The following PLAA variants were observed in gnomAD, a reference collection of about 807,000 sequenced individuals.
The protein encoded by PLAA is phospholipase A-2-activating protein.
In PLAA, 48 loss-of-function variants were observed where a neutral mutation model predicts 84.1. The ratio of observed to expected loss-of-function variants is 0.57; its 90% CI spans 0.45 to 0.73. PLAA has a LOEUF of 0.73. Ranked by LOEUF, PLAA falls within the 30% of genes least tolerant of loss-of-function variation. The pLI, the probability that PLAA is intolerant of heterozygous loss-of-function variation, is 0.00. For missense variants in PLAA, 903 were observed against 954.7 expected, an observed-to-expected ratio of 0.95 and a Z score of 0.71; for synonymous variants, 392 against 336.6, an observed-to-expected ratio of 1.16 and a Z score of -1.80.
chr9:26,928,130 T>C lies in PLAA; in HGVS notation c.535A>G (p.Lys179Glu). ...GSADKTVKLW[K>E]AGRCERTFSG... ...AAAGTCCTCTCACATCTTCCAGCCT[T>C]CCACAGTTTAACAGTCTTGTCTGCT... The change falls in exon 4 of 14, where the codon AAG (lysine) becomes GAG (glutamate). Residue 179 changes from lysine (K) to glutamate (E), a missense_variant. Lys to Glu is a moderately conservative substitution (Grantham distance 56). Transcript: ENST00000397292. 1 of 1,614,198 alleles carries C rather than the reference T, an allele frequency of 6.2e-7. No homozygotes were observed. The highest frequency in any genetic ancestry group is 8.5e-7 in the Non-Finnish European group (1 of 1,180,032).
chr9:26,939,579 A>C lies in PLAA; in HGVS notation c.150-4373T>G, dbSNP rs184305442. Among the ~76,000 whole-genome samples, 78 of 151,946 alleles carry C rather than the reference A, an allele frequency of 5.1e-4. 1 individual carries two copies. Among genetic ancestry groups the C allele is most frequent in the African/African-American group, 1.8e-3 (74 of 41,506 alleles). The stretch of plus-strand genomic sequence containing the variant: ...TGATTACTTTCAATGTAAATGAATT[A>C]AATTCTCCAATCAAAAGACAAAGAT... On this transcript the variant is annotated intron_variant, in intron 1 of 13. Transcript: ENST00000397292.
intron 1 of PLAA, among the ~76,000 whole-genome samples, chr9:26,938,776 A>C (rs576923157): frequency 6.6e-6 from 1 of 152,322 alleles, no homozygotes; most frequent in African/African-American, 2.4e-5. Context: ...CATTAAAAAA[A>C]TTAGCCTAAA....
chr9:26,906,423 CTTTTTTTTTTT>C (rs35324777), intron 13 of PLAA, among the ~76,000 whole-genome samples: 17 of 95,090 alleles, frequency 1.8e-4, no homozygotes, highest in African/African-American at 2.4e-4. Context: ...AGGGAAAGTT[CTTTTTTTTTTT>C]TTTTTTTTTT....
At position 26,917,105 on chromosome 9, in the gene PLAA, G is replaced by T; in HGVS notation, c.1478C>A (p.Pro493His). 6.2e-7 allele frequency: 1 copy of T among 1,613,356 alleles called. No individual in the cohort carries two copies. Among genetic ancestry groups the T allele is most frequent in the East Asian group, 2.2e-5 (1 of 44,838 alleles). ...TCAAAACTACATCCCACCTGTAAAA[G>T]GATCTGCTGTGGGTAGTGTGTTAGA... ...GSSNTLPTAD[P>H]FTGAGRYVPG... Residue 493 changes from proline to histidine, a missense_variant, in exon 10 of 14, where the codon CCT becomes CAT. By Grantham distance (77) the Pro-to-His change is moderately conservative. Transcript: ENST00000397292.
chr9:26,914,580 CAA>C (rs11455055), intron 10 of PLAA, among the ~76,000 whole-genome samples: 1 of 141,418 alleles, frequency 7.1e-6, no homozygotes, highest in Admixed American at 7.0e-5. Flanking sequence ...AAAGCAAAAC[CAA>C]AAAAAAAAAA....
chr9:26,930,528 C>T (rs1825147457), intron 2 of PLAA, among the ~76,000 whole-genome samples: 1 of 151,958 alleles, frequency 6.6e-6, no homozygotes, highest in Admixed American at 6.6e-5. Flanking sequence ...CTTTATTAAT[C>T]CATGTTGAAC....
intron 1 of PLAA, among the ~76,000 whole-genome samples, chr9:26,941,301 G>A (rs1825532449): frequency 6.6e-6 from 1 of 152,046 alleles, no homozygotes; most frequent in African/African-American, 2.4e-5. Context: ...GGGACATAAG[G>A]ATAGTTGAGT....
At chr9:26,907,700 CGTGAAGATTTTCCATA>C (rs1020001205) in intron 13 of PLAA, 118 bp downstream of exon 13, 2 of 705,546 alleles carry the variant, frequency 2.8e-6, no homozygotes, top group African/African-American at 3.7e-5. Flanking sequence ...GAACCCTTTT[CGTGAAGATTTTCCATA>C]GTGATTTAGA....
chr9:26,931,760 G>A (rs1037205340), intron 2 of PLAA, among the ~76,000 whole-genome samples: 1 of 152,156 alleles, frequency 6.6e-6, no homozygotes, highest in African/African-American at 2.4e-5. Flanking sequence ...AAAGATGTAG[G>A]GCTGGGCACG....
At chr9:26,917,991 TC>T (rs1474710286) in intron 9 of PLAA, among the ~76,000 whole-genome samples, 1 of 152,216 alleles carries the variant, frequency 6.6e-6, no homozygotes, top group Non-Finnish European at 1.5e-5. Flanking sequence ...TGAACTACAG[TC>T]TGAAATTCCA....
chr9:26,922,389 T>C (rs570258573), intron 7 of PLAA, among the ~76,000 whole-genome samples: 2 of 152,080 alleles, frequency 1.3e-5, no homozygotes, highest in East Asian at 3.9e-4. Flanking sequence ...CCAGTGGTTT[T>C]ACCCACCATT....
chr9:26,922,709 C>G (rs1000373458), intron 7 of PLAA, among the ~76,000 whole-genome samples: 1 of 151,618 alleles, frequency 6.6e-6, no homozygotes, highest in African/African-American at 2.4e-5. Context: ...CTCTGTCACC[C>G]AGGCTGGAAT....
chr9:26,926,486 T>A lies in PLAA; in HGVS notation c.640A>T (p.Ile214Phe). 1 of 1,613,078 alleles carries A rather than the reference T, an allele frequency of 6.2e-7. No homozygotes were observed. Among genetic ancestry groups the A allele is most frequent in the Non-Finnish European group, 8.5e-7 (1 of 1,179,146 alleles). The change falls in exon 5 of 14, where the codon ATT becomes TTT. Residue 214 changes from isoleucine to phenylalanine, a missense_variant. Transcript: ENST00000397292. ...TCGCCAGTGATTTGCCACCTTCTAA[T>A]ACTAGCATCATTTGCACAGGAAAGA... is the stretch of plus-strand genomic sequence containing the variant. The part of the protein sequence containing the change: ...EFLSCANDAS[I>F]RRWQITGECL...
At chr9:26,921,922 A>G (rs751035708) in intron 7 of PLAA, among the ~76,000 whole-genome samples, 1 of 152,212 alleles carries the variant, frequency 6.6e-6, no homozygotes, top group African/African-American at 2.4e-5. Flanking sequence ...TTTTCACTCA[A>G]ACACTTGAAT....
chr9:26,930,571 C>T (rs1175264714), intron 2 of PLAA, among the ~76,000 whole-genome samples: 2 of 149,286 alleles, frequency 1.3e-5, no homozygotes, highest in African/African-American at 5.0e-5. Context: ...TCATATGTTA[C>T]ATCACTGAGA....
chr9:26,930,664 C>T (rs1052493816), intron 2 of PLAA, among the ~76,000 whole-genome samples: 1 of 150,586 alleles, frequency 6.6e-6, no homozygotes, highest in African/African-American at 2.4e-5. Flanking sequence ...CTCACTGCAA[C>T]CTCCGCTTCC....
intron 1 of PLAA, among the ~76,000 whole-genome samples, chr9:26,936,015 G>A (rs1377122981): frequency 2.0e-5 from 3 of 151,860 alleles, no homozygotes; most frequent in Non-Finnish European, 4.4e-5. Flanking sequence ...TTTACTATGT[G>A]GAAAGCAATA....
At position 26,915,617 on chromosome 9, in the gene PLAA, T is replaced by C. The variant is rs537691797; in HGVS notation, c.1486+1480A>G. On this transcript the variant is annotated intron_variant, in intron 10 of 13. Coordinates refer to ENST00000397292, the MANE Select transcript of PLAA (RefSeq NM_001031689.3). The stretch of plus-strand genomic sequence containing the variant: ...CACATATTATGCTATTTTATTTTCA[T>C]ACCTCAATATGGTAGATGCTGTTAT... The C allele has an allele frequency of 1.9e-4, 156 of 823,394 alleles. No homozygotes were observed. The African/African-American group carries it at 2.5e-3, about 13-fold the overall frequency. 51.0% of individuals were successfully genotyped at this position (823,394 alleles called of 1,614,324 possible). A position where few individuals can be genotyped will look rare whatever the true frequency, so the allele number is the denominator to read the frequency against.
At position 26,913,861 on chromosome 9, in the gene PLAA, G is replaced by T. The variant is rs758993651; in HGVS notation, c.1555+18C>A. Reference sequence around the variant, plus strand: ...TTTTAAAATCTAAAAAAAAGAAAAAGAAATAAAAAGTATGTACCTGTAAAT... The same window carrying T: ...TTTTAAAATCTAAAAAAAAGAAAAATAAATAAAAAGTATGTACCTGTAAAT... On this transcript the variant is annotated intron_variant, in intron 11 of 13. Coordinates refer to ENST00000397292, the MANE Select transcript of PLAA (RefSeq NM_001031689.3). The T allele has an allele frequency of 2.0e-6, 3 of 1,527,370 alleles. No homozygotes were observed. The highest frequency in any genetic ancestry group is 1.2e-5 in the South Asian group (1 of 80,480). 94.6% of individuals were successfully genotyped at this position (1,527,370 alleles called of 1,614,324 possible). A position where few individuals can be genotyped will look rare whatever the true frequency, so the allele number is the denominator to read the frequency against.
Sources: gnomAD v4.1 joint callset for allele counts (sites outside exome capture counted in the v4.1 genomes callset) on GRCh38, gnomAD v4.1.1 for gene constraint, MANE v1.5 for transcripts, NCBI Gene and HGNC (gene_info 2026-07-23, HGNC 2026-07-21) for gene names.